The following FBXW8 variants were observed in gnomAD, a reference collection of about 807,000 sequenced individuals.
The protein encoded by FBXW8 is F-box/WD repeat-containing protein 8.
FBXW8 carries 57 observed loss-of-function variants against 65.3 expected under a neutral mutation model. The ratio of observed to expected loss-of-function variants is 0.87; its 90% CI spans 0.71 to 1.09. The LOEUF (loss-of-function observed/expected upper bound fraction) is 1.09. FBXW8 is among the 50% of genes least tolerant of loss of function. The probability of loss-of-function intolerance (pLI) is 0.00; values close to 1 mark genes in which losing one functional copy is unlikely to be tolerated. For missense variants in FBXW8, 777 were observed against 814.8 expected, an observed-to-expected ratio of 0.95 and a Z score of 0.57; for synonymous variants, 308 against 330.2, an observed-to-expected ratio of 0.93 and a Z score of 0.73.
At chr12:116,990,062 C>T (rs1953198864) in intron 7 of FBXW8, among the ~76,000 whole-genome samples, 1 of 152,178 alleles carries the variant, frequency 6.6e-6, no homozygotes, top group Admixed American at 6.5e-5. Context: ...TGTATTTGAC[C>T]TGTAAGGTCA....
intron 1 of FBXW8, among the ~76,000 whole-genome samples, chr12:116,912,451 C>CT (rs34430069): frequency 0.016 from 1,412 of 86,388 alleles, 63 homozygotes; most frequent in African/African-American, 0.046. Flanking sequence ...GAGAATCATT[C>CT]TTTTTTTTTT....
chr12:116,977,512 C>T (rs1885028532), intron 5 of FBXW8: 7 of 152,130 alleles, frequency 4.6e-5, no homozygotes, highest in Admixed American at 4.6e-4. Flanking sequence ...GATGCACCCC[C>T]GTGTACCCAT....
intron 8 of FBXW8, among the ~76,000 whole-genome samples, chr12:117,020,865 C>T (rs1402605208): frequency 6.6e-6 from 1 of 152,224 alleles, no homozygotes; most frequent in African/African-American, 2.4e-5. Context: ...TTTTATCCAG[C>T]ATTTTTAAGC....
intron 8 of FBXW8, among the ~76,000 whole-genome samples, chr12:117,018,077 G>C (rs1383779651): frequency 1.3e-5 from 2 of 152,128 alleles, no homozygotes; most frequent in South Asian, 4.1e-4. Flanking sequence ...CCTCCCTCTC[G>C]GTTCCAGCAC....
intron 2 of FBXW8, among the ~76,000 whole-genome samples, chr12:116,931,793 G>A (rs922823976): frequency 6.6e-6 from 1 of 151,928 alleles, no homozygotes; most frequent in Admixed American, 6.6e-5. Context: ...TATATTGTCT[G>A]TAAACAGGAA....
intron 5 of FBXW8, among the ~76,000 whole-genome samples, chr12:116,973,169 AT>A (rs1208906212): frequency 6.6e-6 from 1 of 152,250 alleles, no homozygotes; most frequent in Admixed American, 6.5e-5. Flanking sequence ...CATGATAAAA[AT>A]AAACAGATCA....
chr12:116,998,158 G>A (rs1356738637), intron 7 of FBXW8, among the ~76,000 whole-genome samples: 1 of 152,156 alleles, frequency 6.6e-6, no homozygotes, highest in African/African-American at 2.4e-5. Flanking sequence ...ATGGTAGAAT[G>A]GGACAGGTCA....
chr12:117,027,981 GC>G (rs1253957521), intron 10 of FBXW8, 46 bp from the exon 11 acceptor site: 2 of 1,609,446 alleles, frequency 1.2e-6, no homozygotes, highest in African/African-American at 2.7e-5. Flanking sequence ...TGGGGTGAGG[GC>G]CAGCGAGGCA....
intron 7 of FBXW8, among the ~76,000 whole-genome samples, chr12:116,990,790 A>G (rs1235375254): frequency 2.6e-5 from 4 of 152,222 alleles, no homozygotes; most frequent in African/African-American, 9.7e-5. Context: ...CAACTCAACT[A>G]AAAGCATTAA....
chr12:116,960,762 C>T (rs2137381332), intron 4 of FBXW8, among the ~76,000 whole-genome samples: 1 of 152,336 alleles, frequency 6.6e-6, no homozygotes, highest in South Asian at 2.1e-4. Flanking sequence ...GTGATGGAGG[C>T]TATGGCACTG....
In FBXW8 at chr12:117,028,838, A is replaced by G. The variant is rs565266247; in HGVS notation, c.*666A>G. 3.3e-5 allele frequency: 5 copies of G among 152,658 alleles called. No individual in the cohort carries two copies. The highest frequency in any genetic ancestry group is 1.2e-4 in the African/African-American group (5 of 41,580). 9.5% of individuals were successfully genotyped at this position (152,658 alleles called of 1,614,324 possible). A position where few individuals can be genotyped will look rare whatever the true frequency, so the allele number is the denominator to read the frequency against. ...AATATTTTCTAAATATTCATTGACTAAACAGCCATCAAGATGAAACAGGAC... is the reference window on the plus strand; with the variant it reads ...AATATTTTCTAAATATTCATTGACTGAACAGCCATCAAGATGAAACAGGAC... On this transcript the variant is annotated 3_prime_UTR_variant, in exon 11 of 11. Coordinates refer to ENST00000652555, the MANE Select transcript of FBXW8 (RefSeq NM_153348.3). This position sits in a 1 kb window ranked among gnomAD's most constrained non-coding sequence, Gnocchi z 4.1.
chr12:116,912,040 A>G (rs952686827), intron 1 of FBXW8, among the ~76,000 whole-genome samples: 61 of 152,274 alleles, frequency 4.0e-4, no homozygotes, highest in Admixed American at 3.7e-3. Context: ...GGGAAAATCA[A>G]GAACACCTGA....
In FBXW8 at chr12:116,964,711, A is replaced by G; in HGVS notation, c.692A>G (p.Asp231Gly). 4.3e-6 allele frequency: 7 copies of G among 1,613,700 alleles called. No individual in the cohort carries two copies. Among genetic ancestry groups the G allele is most frequent in the Non-Finnish European group, 5.9e-6 (7 of 1,179,950 alleles). Reference protein sequence around the residue: ...GVVIAGYTSGDVRVWDTRTWD... With the variant: ...GVVIAGYTSGGVRVWDTRTWD... ...TTCTCTTCCAGATATACATCAGGGGATGTGAGAGTGTGGGACACCCGCACC... is the reference window on the plus strand; with the variant it reads ...TTCTCTTCCAGATATACATCAGGGGGTGTGAGAGTGTGGGACACCCGCACC... The change falls in exon 5 of 11, where the codon GAT (aspartate) becomes GGT (glycine). Residue 231 changes from aspartate to glycine, a missense_variant. Physicochemically the swap from Asp to Gly is moderately conservative, Grantham distance 94. Transcript: ENST00000652555.
At position 117,010,416 on chromosome 12, in the gene FBXW8, C is replaced by T. The variant is rs774188489; in HGVS notation, c.1333C>T (p.Pro445Ser). 6.2e-7 allele frequency: 1 copy of T among 1,614,096 alleles called. No individual in the cohort carries two copies. The highest frequency in any genetic ancestry group is 1.3e-5 in the African/African-American group (1 of 74,934). Reference sequence around the variant, plus strand: ...GTGTGTCAACCTCAGCGACAGCCCTCCCAACCTCATGGTCAGTGGCAACAT... The same window carrying T: ...GTGTGTCAACCTCAGCGACAGCCCTTCCAACCTCATGGTCAGTGGCAACAT... ...FTCVNLSDSP[P>S]NLMVSGNMDG... is the part of the protein sequence containing the mutation. The change falls in exon 8 of 11, where the codon CCC becomes TCC. Residue 445 changes from proline (P) to serine (S), a missense_variant. Coordinates refer to ENST00000652555, the MANE Select transcript of FBXW8 (RefSeq NM_153348.3).
rs1883994098 is a variant in FBXW8, at chr12:116,961,751, G to A, written c.678-2946G>A. ...ACCACTGCCATGACGGAGACGTCCA[G>A]GCTGCCGTGAAGGTAGATCGTAGTG... On this transcript the variant is annotated intron_variant, in intron 4 of 10. Transcript: ENST00000652555. The surrounding 1 kb of genome is among the most constrained non-coding windows in gnomAD (Gnocchi z 4.4). Among the ~76,000 whole-genome samples the A allele has an allele frequency of 6.6e-6, 1 of 152,228 alleles. No homozygotes were observed. The highest frequency in any genetic ancestry group is 2.1e-4 in the South Asian group (1 of 4,834).
chr12:116,983,596 G>A (rs1885464657), intron 5 of FBXW8, among the ~76,000 whole-genome samples: 1 of 152,118 alleles, frequency 6.6e-6, no homozygotes, highest in African/African-American at 2.4e-5. Flanking sequence ...AGCATTTATA[G>A]TTTAAAGACA....
At chr12:117,003,216 C>T (rs546839132) in intron 7 of FBXW8, 2 of 152,216 alleles carry the variant, frequency 1.3e-5, no homozygotes, top group African/African-American at 2.4e-5. Context: ...GCATAGCAGT[C>T]GCCTGTAAGG....
Position 116,961,663 on chromosome 12 carries a change from G to C in FBXW8, c.678-3034G>C, listed in dbSNP as rs1011865644. On this transcript the variant is annotated intron_variant, in intron 4 of 10. Transcript: ENST00000652555. This position sits in a 1 kb window ranked among gnomAD's most constrained non-coding sequence, Gnocchi z 4.4. ...CATGCACAGCTATGAACAAAACCCAGACCCTGAGCTCAGAAGCTTCAGGCT... is the reference window on the plus strand; with the variant it reads ...CATGCACAGCTATGAACAAAACCCACACCCTGAGCTCAGAAGCTTCAGGCT... Among the ~76,000 whole-genome samples the C allele has an allele frequency of 6.6e-6, 1 of 152,192 alleles. No homozygotes were observed. Among genetic ancestry groups the C allele is most frequent in the Non-Finnish European group, 1.5e-5 (1 of 68,034 alleles).
At chr12:117,004,580 C>T (rs1953631384) in intron 7 of FBXW8, among the ~76,000 whole-genome samples, 1 of 152,216 alleles carries the variant, frequency 6.6e-6, no homozygotes, top group Non-Finnish European at 1.5e-5. Flanking sequence ...AAACCCAGAA[C>T]TTGTGTGGGG....
Sources: allele counts gnomAD v4.1 joint callset (sites outside exome capture counted in the v4.1 genomes callset), GRCh38; gene constraint gnomAD v4.1.1; non-coding constraint Gnocchi (gnomAD v3.1); transcripts MANE v1.5; gene names NCBI Gene and HGNC (gene_info 2026-07-23, HGNC 2026-07-21).